Variants in TLE4 observed in about 807,000 individuals in gnomAD.
The protein encoded by TLE4 is transducin-like enhancer protein 4.
A neutral mutation model predicts 92.8 loss-of-function variants in TLE4; 8 were observed. The observed-to-expected ratio is 0.09, with a 90% CI of 0.05 to 0.16. The LOEUF (loss-of-function observed/expected upper bound fraction) is 0.16. Among genes scored for constraint, TLE4 ranks in the 10% least tolerant of loss-of-function variants. TLE4 has a pLI of 1.00. For synonymous variants in TLE4, 371 were observed against 374.1 expected (o/e 0.99, Z 0.10); for missense variants, 675 against 997.6 (o/e 0.68, Z 4.36).
At chr9:79,622,279 A>C (rs959108511) in intron 5 of TLE4, among the ~76,000 whole-genome samples, 7 of 151,994 alleles carry the variant, frequency 4.6e-5, no homozygotes, top group African/African-American at 1.5e-4. Context: ...GTCTTATCAT[A>C]CCCAAGAAGG....
At position 79,592,253 on chromosome 9, in the gene TLE4, T is replaced by TTC. The variant is rs1447718824; in HGVS notation, c.252+16077_252+16078insCT. On this transcript the variant is annotated intron_variant, in intron 4 of 19. Transcript: ENST00000376552. ...TTCTTCTTCCTTCTGCTTCTTCTTC[T>TTC]TTCTTCTTTCTTCTTCTTCTTCTTT... is the stretch of plus-strand genomic sequence containing the variant. Among the ~76,000 whole-genome samples the TTC allele has an allele frequency of 1.1e-4, 16 of 145,362 alleles. No homozygotes were observed. The East Asian group carries it at 3.2e-3, about 29-fold the overall frequency.
chr9:79,596,039 G>T (rs778478665), intron 4 of TLE4, among the ~76,000 whole-genome samples: 1 of 148,502 alleles, frequency 6.7e-6, no homozygotes, highest in African/African-American at 2.6e-5. Context: ...GTAGAGACAG[G>T]GTTTCACCGT....
intron 6 of TLE4, among the ~76,000 whole-genome samples, chr9:79,648,626 TA>T (rs1330091528): frequency 1.3e-5 from 2 of 152,160 alleles, no homozygotes; most frequent in African/African-American, 2.4e-5. Flanking sequence ...GATGGAGACT[TA>T]AAATAATCAG....
chr9:79,724,486 G>A (rs775084750), intron 19 of TLE4, among the ~76,000 whole-genome samples: 53 of 152,172 alleles, frequency 3.5e-4, no homozygotes, highest in African/African-American at 1.1e-3. Context: ...ATGTCCCCAG[G>A]ACAGAAGCCT....
intron 4 of TLE4, among the ~76,000 whole-genome samples, chr9:79,598,038 C>T (rs545011736): frequency 6.8e-6 from 1 of 146,546 alleles, no homozygotes; most frequent in East Asian, 2.0e-4. Context: ...CGAGACTATC[C>T]TGGCTAACAC....
At chr9:79,696,480 C>T (rs1428580893) in intron 8 of TLE4, among the ~76,000 whole-genome samples, 1 of 152,092 alleles carries the variant, frequency 6.6e-6, no homozygotes, top group East Asian at 1.9e-4. Context: ...AGGCAGCCTT[C>T]CTTTAAATTG....
chr9:79,610,858 A>T (rs943307933), intron 4 of TLE4, among the ~76,000 whole-genome samples: 2 of 145,794 alleles, frequency 1.4e-5, no homozygotes, highest in African/African-American at 4.9e-5. Flanking sequence ...TAGATTATGT[A>T]GGCGAACTAA....
At chr9:79,668,486 T>C (rs1052034897) in intron 8 of TLE4, among the ~76,000 whole-genome samples, 2 of 152,204 alleles carry the variant, frequency 1.3e-5, no homozygotes, top group South Asian at 4.1e-4. Context: ...ATTTTGTTGC[T>C]TATGTACCTT....
At chr9:79,583,337 C>A (rs2040202050) in intron 4 of TLE4, among the ~76,000 whole-genome samples, 2 of 152,238 alleles carry the variant, frequency 1.3e-5, no homozygotes, top group Admixed American at 1.3e-4. Flanking sequence ...TCTGGGATAC[C>A]CCTTAGGTAC....
rs41307447 is a variant in TLE4, at chr9:79,652,696, G to C, written c.494G>C (p.Ser165Thr). Residue 165 changes from serine (S) to threonine (T), a missense_variant, in exon 7 of 20, where the codon AGC becomes ACC. Physicochemically the swap from Ser to Thr is moderately conservative, Grantham distance 58. Transcript: ENST00000376552. ...CCCCCTGCCATTCCACCCATCGGTAGCAGTGCCGGGCTTCTGGCCCTCTCC... is the reference window on the plus strand; with the variant it reads ...CCCCCTGCCATTCCACCCATCGGTACCAGTGCCGGGCTTCTGGCCCTCTCC... ...LQPPAIPPIG[S>T]SAGLLALSSA... 6,888 of 1,614,168 alleles carry C rather than the reference G, an allele frequency of 4.3e-3. 16 individuals are homozygous for C. Among genetic ancestry groups the C allele is most frequent in the Non-Finnish European group, 5.4e-3 (6,344 of 1,180,030 alleles).
At chr9:79,600,053 A>G (rs1002211192) in intron 4 of TLE4, among the ~76,000 whole-genome samples, 13 of 152,240 alleles carry the variant, frequency 8.5e-5, no homozygotes, top group African/African-American at 2.9e-4. Flanking sequence ...TAGATATTTA[A>G]TAAGTATTTG....
intron 4 of TLE4, among the ~76,000 whole-genome samples, chr9:79,598,588 T>C (rs1335791275): frequency 6.6e-6 from 1 of 152,218 alleles, no homozygotes; most frequent in African/African-American, 2.4e-5. Context: ...GTCTGTCTCA[T>C]TTGCTAGATT....
At chr9:79,583,589 G>T (rs1205068147) in intron 4 of TLE4, among the ~76,000 whole-genome samples, 1 of 151,896 alleles carries the variant, frequency 6.6e-6, no homozygotes, top group East Asian at 1.9e-4. Context: ...GGAGGAGGGG[G>T]GATATTGGCT....
At position 79,641,412 on chromosome 9, in the gene TLE4, G is replaced by A. The variant is rs567216696; in HGVS notation, c.391-11181G>A. On this transcript the variant is annotated intron_variant, in intron 6 of 19. Transcript: ENST00000376552. ...ACAAAACCAAACCCCAAAACCCACC[G>A]TAGCCTAGAGCTCTAATTATTCTTA... Among the ~76,000 whole-genome samples, 9 of 152,198 alleles carry A rather than the reference G, an allele frequency of 5.9e-5. No homozygotes were observed. The South Asian group carries it at 1.7e-3, about 28-fold the overall frequency.
At chr9:79,688,597 G>T (rs2066387428) in intron 8 of TLE4, among the ~76,000 whole-genome samples, 1 of 151,660 alleles carries the variant, frequency 6.6e-6, no homozygotes, top group Non-Finnish European at 1.5e-5. Context: ...TTACTGTTTA[G>T]CTGAACTGAT....
chr9:79,579,853 G>A (rs2131986432), intron 4 of TLE4, among the ~76,000 whole-genome samples: 1 of 152,250 alleles, frequency 6.6e-6, no homozygotes, highest in Non-Finnish European at 1.5e-5. Context: ...AGCCTCTTTG[G>A]TCGATGGTAA....
chr9:79,610,580 TC>T (rs1564365197), intron 4 of TLE4, among the ~76,000 whole-genome samples: 1 of 151,856 alleles, frequency 6.6e-6, no homozygotes, highest in Non-Finnish European at 1.5e-5. Flanking sequence ...ACCATGAAAA[TC>T]CATTGGCATG....
chr9:79,649,608 G>C (rs1205535932), intron 6 of TLE4: 1 of 243,816 alleles, frequency 4.1e-6, no homozygotes, highest in Non-Finnish European at 8.2e-6. Context: ...CAGGTGGAGA[G>C]GCTGGCCTTT....
At position 79,725,166 on chromosome 9, in the gene TLE4, G is replaced by C. The variant is rs1422576279; in HGVS notation, c.*22G>C. 1 of 1,556,056 alleles carries C rather than the reference G, an allele frequency of 6.4e-7. No individual in the cohort carries two copies. The highest frequency in any genetic ancestry group is 1.4e-5 in the African/African-American group (1 of 73,768). On this transcript the variant is annotated 3_prime_UTR_variant, in exon 20 of 20. Transcript: ENST00000376552. ...TTAAAGACAAATCTTCATGCAGACT[G>C]GACTTCTCCTCCTGGTAGCACTTTG...
Sources: gnomAD v4.1 joint callset for allele counts (sites outside exome capture counted in the v4.1 genomes callset) on GRCh38, gnomAD v4.1.1 for gene constraint, MANE v1.5 for transcripts, NCBI Gene and HGNC (gene_info 2026-07-23, HGNC 2026-07-21) for gene names.